CUX1: variants seen among roughly 807,000 people sequenced by gnomAD.
CUX1 encodes the protein cut like homeobox 1.
In CUX1, 31 loss-of-function variants were observed where a neutral mutation model predicts 158.8. That is an observed-to-expected ratio of 0.20 (90% CI 0.15 to 0.26). The LOEUF is 0.26. CUX1 is among the 10% of genes least tolerant of loss of function. The probability of loss-of-function intolerance (pLI) is 1.00; values close to 1 mark genes in which losing one functional copy is unlikely to be tolerated. For synonymous variants in CUX1, 879 were observed against 862.1 expected (o/e 1.02, Z -0.34); for missense variants, 1,589 against 2,014.6 (o/e 0.79, Z 4.04).
chr7:101,849,880 CG>C (rs1487715426), intron 1 of CUX1, among the ~76,000 whole-genome samples: 27 of 150,290 alleles, frequency 1.8e-4, no homozygotes, highest in African/African-American at 6.1e-4. Context: ...CTATTCTGAC[CG>C]GTATGAGACA....
intron 6 of CUX1, among the ~76,000 whole-genome samples, chr7:102,110,121 A>G (rs1830729265): frequency 6.6e-6 from 1 of 152,226 alleles, no homozygotes; most frequent in South Asian, 2.1e-4. Context: ...ATATTATACT[A>G]TACTATATTA....
intron 1 of CUX1, among the ~76,000 whole-genome samples, chr7:101,879,223 G>T (rs1433137464): frequency 1.3e-5 from 2 of 152,072 alleles, no homozygotes; most frequent in Non-Finnish European, 2.9e-5. Context: ...TGTCTTGTTG[G>T]GGGTGGGGAA....
At chr7:102,049,438 G>A (rs1823222824) in intron 3 of CUX1, among the ~76,000 whole-genome samples, 1 of 152,174 alleles carries the variant, frequency 6.6e-6, no homozygotes, top group Admixed American at 6.5e-5. Flanking sequence ...GTCGAACTCC[G>A]AAGCCCATGC....
chr7:102,012,813 A>G (rs903470849), intron 2 of CUX1, among the ~76,000 whole-genome samples: 1 of 152,178 alleles, frequency 6.6e-6, no homozygotes, highest in South Asian at 2.1e-4. Context: ...GAATTCTTAA[A>G]TCATCTTAGC....
chr7:102,141,183 G>A (rs1834412661), intron 8 of CUX1, among the ~76,000 whole-genome samples: 1 of 152,120 alleles, frequency 6.6e-6, no homozygotes, highest in African/African-American at 2.4e-5. Flanking sequence ...CCTAAAAAAG[G>A]TACTTAGCCT....
intron 20 of CUX1, among the ~76,000 whole-genome samples, chr7:102,222,409 G>A (rs938936295): frequency 7.2e-5 from 11 of 152,168 alleles, no homozygotes; most frequent in African/African-American, 2.4e-4. Flanking sequence ...TGCACCATCT[G>A]TGTGACTTTA....
chr7:102,161,249 G>A (rs1375699715), intron 9 of CUX1: 1 of 152,244 alleles, frequency 6.6e-6, no homozygotes, highest in Non-Finnish European at 1.5e-5. Flanking sequence ...TCGGGAGGCT[G>A]AGGCAGGAGG....
At chr7:102,258,325 G>A (rs1790115847), downstream of CUX1, 3 of 394,230 alleles carry the variant, frequency 7.6e-6, no homozygotes, top group East Asian at 1.6e-4. Context: ...CTCAAGAATC[G>A]CCGTTCCCGA....
chr7:101,981,311 G>A (rs1181005803), intron 2 of CUX1, among the ~76,000 whole-genome samples: 3 of 152,206 alleles, frequency 2.0e-5, no homozygotes, highest in Admixed American at 6.5e-5. Flanking sequence ...GCATGAGGAT[G>A]TAAGTTGCCT....
At chr7:101,830,016 G>A (rs1793800314) in intron 1 of CUX1, among the ~76,000 whole-genome samples, 1 of 152,234 alleles carries the variant, frequency 6.6e-6, no homozygotes, top group Non-Finnish European at 1.5e-5. Context: ...CTATCTGTGG[G>A]CGGTTCGGTG....
chr7:102,051,370 G>A (rs909139446), intron 3 of CUX1, among the ~76,000 whole-genome samples: 1 of 151,750 alleles, frequency 6.6e-6, no homozygotes, highest in Admixed American at 6.6e-5. Context: ...AAATAGGGCC[G>A]GGCGCAGTGG....
Position 102,196,866 on chromosome 7 carries a change from G to A in CUX1, c.1455G>A (p.Gln485=), listed in dbSNP as rs138249494. Residue 485 remains glutamine (Q), a synonymous_variant, in exon 15 of 24, where the codon CAG becomes CAA. Coordinates refer to ENST00000292535, the MANE Select transcript of CUX1 (RefSeq NM_181552.4). ...AATTTGCACTAAACTCTCTTCTCCAGCGGCAGCTAATGCAGTCCTTCTACT... is the reference window on the plus strand; with the variant it reads ...AATTTGCACTAAACTCTCTTCTCCAACGGCAGCTAATGCAGTCCTTCTACT... The part of the protein sequence containing the change: ...TGKFALNSLL[Q]RQLMQSFYSK... 41 of 1,614,072 alleles carry A rather than the reference G, an allele frequency of 2.5e-5. No homozygotes were observed. Among genetic ancestry groups the A allele is most frequent in the Non-Finnish European group, 3.1e-5 (36 of 1,180,046 alleles).
chr7:101,840,690 G>A (rs1795119058), intron 1 of CUX1, among the ~76,000 whole-genome samples: 2 of 151,996 alleles, frequency 1.3e-5, no homozygotes, highest in Admixed American at 6.6e-5. Context: ...TTGGAATTGA[G>A]GTTTACTAGT....
intron 20 of CUX1, among the ~76,000 whole-genome samples, chr7:102,225,368 T>C (rs1798240746): frequency 6.6e-6 from 1 of 152,234 alleles, no homozygotes; most frequent in Admixed American, 6.5e-5. Flanking sequence ...TTCCTTGTAG[T>C]TGGAATGTAT....
At chr7:101,895,133 G>A (rs960951909) in intron 1 of CUX1, among the ~76,000 whole-genome samples, 4 of 152,096 alleles carry the variant, frequency 2.6e-5, no homozygotes, top group Admixed American at 6.6e-5. Flanking sequence ...CAGTTCTCCC[G>A]TCTCAGCCTC....
At chr7:101,871,326 T>TG (rs1798510187) in intron 1 of CUX1, among the ~76,000 whole-genome samples, 1 of 151,946 alleles carries the variant, frequency 6.6e-6, no homozygotes, top group African/African-American at 2.4e-5. Context: ...AAAGCCTTTT[T>TG]TTTTTTTTGT....
chr7:102,106,340 G>A lies in CUX1; in HGVS notation c.530+1881G>A, dbSNP rs201488. On this transcript the variant is annotated intron_variant, in intron 6 of 23. Coordinates refer to ENST00000292535, the MANE Select transcript of CUX1 (RefSeq NM_181552.4). ...CTTGACCTTGTGATCTGCCCGCCTC[G>A]GCCTCCCAAAGTGCTGGGATTACAG... is the stretch of plus-strand genomic sequence containing the variant. Among the ~76,000 whole-genome samples the A allele has an allele frequency of 2.8e-3, 430 of 151,894 alleles. 2 individuals carry two copies. The highest frequency in any genetic ancestry group is 0.01 in the African/African-American group (417 of 41,420).
At chr7:102,132,914 A>G (rs528537630) in intron 8 of CUX1, among the ~76,000 whole-genome samples, 2 of 151,270 alleles carry the variant, frequency 1.3e-5, no homozygotes, top group East Asian at 3.9e-4. Context: ...CAAGTGATTC[A>G]CCTGCCTCAG....
intron 10 of CUX1, 114 bp from the exon 11 acceptor site, chr7:102,178,355 T>C: frequency 9.6e-7 from 1 of 1,043,172 alleles, no homozygotes; most frequent in South Asian, 1.7e-5. Flanking sequence ...CATCCTGCCA[T>C]CACCATCCAC....
Sources: gnomAD v4.1 joint callset for allele counts (sites outside exome capture counted in the v4.1 genomes callset) on GRCh38, gnomAD v4.1.1 for gene constraint, MANE v1.5 for transcripts, NCBI Gene and HGNC (gene_info 2026-07-23, HGNC 2026-07-21) for gene names.